Variants in IRGM observed in about 807,000 individuals in gnomAD.
The protein encoded by IRGM is immunity related GTPase M, also known as immunity-related GTPase family M protein.
For synonymous variants in IRGM, 98 were observed against 80.6 expected, an observed-to-expected ratio of 1.22 and a Z score of -1.16; for missense variants, 288 against 219.9, an observed-to-expected ratio of 1.31 and a Z score of -1.96.
intron 2 of IRGM, among the ~76,000 whole-genome samples, chr5:150,878,378 C>T (rs1414486225): frequency 6.6e-6 from 1 of 152,088 alleles, no homozygotes; most frequent in African/African-American, 2.4e-5. Context: ...GTTGCCATTG[C>T]TATGAATTTT....
chr5:150,864,532 A>G (rs1026565237), intron 1 of IRGM, among the ~76,000 whole-genome samples: 3 of 152,034 alleles, frequency 2.0e-5, no homozygotes, highest in African/African-American at 7.2e-5. Context: ...TTACAATTCA[A>G]TCCTCTCACC....
chr5:150,847,207 C>T lies in IRGM; in HGVS notation c.-429C>T, dbSNP rs1753880418. The T allele has an allele frequency of 6.6e-6, 1 of 152,320 alleles. No homozygotes were observed. Among genetic ancestry groups the T allele is most frequent in the Non-Finnish European group, 1.5e-5 (1 of 68,076 alleles). The allele number at this position is 152,320 out of a possible 1,614,324, so 9.4% of individuals were successfully genotyped here. A position where few individuals can be genotyped will look rare whatever the true frequency, so the allele number is the denominator to read the frequency against. ...TCAGTACTGCTCTGCACGTGTGCTC[C>T]CCCGCCTGATGAGGTAAGTGTTAAA... On this transcript the variant is annotated 5_prime_UTR_variant, in exon 1 of 2. Coordinates refer to ENST00000522154, the MANE Select transcript of IRGM (RefSeq NM_001145805.2).
downstream of IRGM, among the ~76,000 whole-genome samples, chr5:150,853,104 A>G (rs185810712): frequency 9.5e-4 from 144 of 152,202 alleles, 1 homozygote; most frequent in African/African-American, 3.3e-3. Context: ...TTCCCTCTTC[A>G]TACTGCTTTT....
At chr5:150,901,259 G>A (rs1754985555), downstream of IRGM, among the ~76,000 whole-genome samples, 1 of 151,972 alleles carries the variant, frequency 6.6e-6, no homozygotes, top group South Asian at 2.1e-4. Flanking sequence ...AACCAGATAG[G>A]TAAGTTTACA....
chr5:150,884,032 C>T (rs986633519), intron 3 of IRGM, among the ~76,000 whole-genome samples: 7 of 151,820 alleles, frequency 4.6e-5, no homozygotes, highest in African/African-American at 7.2e-5. Flanking sequence ...TTAAATGGAT[C>T]GCTCACCACA....
chr5:150,888,735 C>A (rs574295439), intron 3 of IRGM, among the ~76,000 whole-genome samples: 21 of 152,064 alleles, frequency 1.4e-4, no homozygotes, highest in African/African-American at 5.1e-4. Context: ...CCAAGAAGTT[C>A]TTTGAAACTA....
chr5:150,857,555 AGT>A (rs1754075883), intron 1 of IRGM, among the ~76,000 whole-genome samples: 1 of 151,566 alleles, frequency 6.6e-6, no homozygotes, highest in Non-Finnish European at 1.5e-5. Context: ...ACAGTGTAAA[AGT>A]GTTCCTATTT....
intron 1 of IRGM, among the ~76,000 whole-genome samples, chr5:150,868,841 T>C (rs1754241579): frequency 6.6e-6 from 1 of 152,172 alleles, no homozygotes; most frequent in African/African-American, 2.4e-5. Flanking sequence ...TTACATTAAA[T>C]TCTGAAACTT....
chr5:150,892,889 C>T (rs1754635370), intron 3 of IRGM, among the ~76,000 whole-genome samples: 1 of 152,030 alleles, frequency 6.6e-6, no homozygotes, highest in African/African-American at 2.4e-5. Flanking sequence ...GGATTACGGA[C>T]ATGAGCCACA....
chr5:150,898,887 C>T (rs1196604355), intron 3 of IRGM, among the ~76,000 whole-genome samples: 1 of 151,856 alleles, frequency 6.6e-6, no homozygotes, highest in Non-Finnish European at 1.5e-5. Context: ...TGAGTTGTAT[C>T]TCCTGAATAT....
Position 150,848,600 on chromosome 5 carries a change from AG to A in IRGM, c.478del (p.Val160CysfsTer28). On this transcript the variant is annotated frameshift_variant, in exon 2 of 2. Coordinates refer to ENST00000522154, the MANE Select transcript of IRGM (RefSeq NM_001145805.2). LOFTEE classifies it low-confidence loss of function (END_TRUNC). The part of the protein sequence containing the change: ...MDLSTGALPE[V>X]QLLQIRENVL... ...ACCTCAGCACAGGTGCCCTCCCAGA[AG>A]TGCAGCTACTGCAGATCAGAGAAAA... 1 of 1,551,414 alleles carries A rather than the reference AG, an allele frequency of 6.4e-7. No individual in the cohort carries two copies. Among genetic ancestry groups the A allele is most frequent in the Non-Finnish European group, 8.7e-7 (1 of 1,146,634 alleles).
intron 3 of IRGM, chr5:150,896,533 T>G: frequency 6.2e-7 from 1 of 1,613,718 alleles, no homozygotes; most frequent in Non-Finnish European, 8.5e-7. Flanking sequence ...ATTACTCCAT[T>G]GTGAATCTTC....
intron 1 of IRGM, among the ~76,000 whole-genome samples, chr5:150,869,197 A>G (rs1299650975): frequency 6.6e-6 from 1 of 152,052 alleles, no homozygotes; most frequent in Non-Finnish European, 1.5e-5. Context: ...TCATAAAGGG[A>G]TGCTGGATTT....
intron 1 of IRGM, among the ~76,000 whole-genome samples, chr5:150,867,806 G>C (rs1302897763): frequency 5.3e-5 from 8 of 150,862 alleles, no homozygotes; most frequent in Non-Finnish European, 1.2e-4. Flanking sequence ...CACGTCCTTA[G>C]CCCACGTATT....
In IRGM at chr5:150,848,317, C is replaced by A; in HGVS notation, c.194C>A (p.Pro65His). The A allele has an allele frequency of 3.2e-6, 5 of 1,551,844 alleles. No individual in the cohort carries two copies. The highest frequency in any genetic ancestry group is 4.4e-6 in the Non-Finnish European group (5 of 1,146,976). ...GGACATGAGGGTAAGGCCTCACCTC[C>A]TACTGAGCTGGTAAAAGCTACCCAA... ...NTGHEGKASP[P>H]TELVKATQRC... The change falls in exon 2 of 2, where the codon CCT becomes CAT. Residue 65 changes from proline to histidine, a missense_variant. Pro to His is a moderately conservative substitution (Grantham distance 77). Coordinates refer to ENST00000522154, the MANE Select transcript of IRGM (RefSeq NM_001145805.2).
intron 1 of IRGM, among the ~76,000 whole-genome samples, chr5:150,873,002 T>C (rs1455977847): frequency 6.6e-6 from 1 of 152,230 alleles, no homozygotes; most frequent in East Asian, 1.9e-4. Flanking sequence ...GGAACCGCAG[T>C]CACTCAACTA....
intron 1 of IRGM, among the ~76,000 whole-genome samples, chr5:150,855,911 G>A (rs957065772): frequency 1.3e-5 from 2 of 152,096 alleles, no homozygotes; most frequent in Admixed American, 1.3e-4. Flanking sequence ...ACTTTCTGAA[G>A]CATTCTCTTA....
At chr5:150,855,210 T>C (rs966255542) in intron 1 of IRGM, among the ~76,000 whole-genome samples, 2 of 152,194 alleles carry the variant, frequency 1.3e-5, no homozygotes, top group Non-Finnish European at 2.9e-5. Flanking sequence ...GCTCCTAGTA[T>C]ATCTTTGTTG....
intron 1 of IRGM, among the ~76,000 whole-genome samples, chr5:150,868,488 G>A (rs938815459): frequency 3.3e-5 from 5 of 152,050 alleles, no homozygotes; most frequent in African/African-American, 1.2e-4. Context: ...TTTTAGGATT[G>A]TTTTTTCTAG....
Sources: allele counts gnomAD v4.1 joint callset (sites outside exome capture counted in the v4.1 genomes callset), GRCh38; gene constraint gnomAD v4.1.1; transcripts MANE v1.5; gene names NCBI Gene and HGNC (gene_info 2026-07-23, HGNC 2026-07-21).